WIPI1: variants seen among roughly 807,000 people sequenced by gnomAD.
The protein encoded by WIPI1 is WD repeat domain phosphoinositide-interacting protein 1.
Under a neutral mutation model 55.3 loss-of-function variants are expected in WIPI1, and 45 were observed. That is an observed-to-expected ratio of 0.81 (90% CI 0.64 to 1.04). WIPI1 has a LOEUF of 1.04. WIPI1 is among the 50% of genes least tolerant of loss of function. The pLI is 0.00. For synonymous variants in WIPI1, 195 were observed against 217.6 expected, an observed-to-expected ratio of 0.90 and a Z score of 0.92; for missense variants, 445 against 559.0, an observed-to-expected ratio of 0.80 and a Z score of 2.06.
At position 68,421,374 on chromosome 17, in the gene WIPI1, C is replaced by A. The variant is rs2082759559; in HGVS notation, c.*399G>T. The A allele has an allele frequency of 5.9e-6, 1 of 170,362 alleles. No individual in the cohort carries two copies. The highest frequency in any genetic ancestry group is 2.4e-5 in the African/African-American group (1 of 42,130). The allele number at this position is 170,362 out of a possible 1,614,324, so 10.6% of individuals were successfully genotyped here. A position where few individuals can be genotyped will look rare whatever the true frequency, so the allele number is the denominator to read the frequency against. On this transcript the variant is annotated 3_prime_UTR_variant, in exon 13 of 13. Coordinates refer to ENST00000262139, the MANE Select transcript of WIPI1 (RefSeq NM_017983.7). ...CACAGCCAAAAAAGACTTTGCCTGGCTAAAAGAGTCTCTCTCTAAGTATGT... is the reference window on the plus strand; with the variant it reads ...CACAGCCAAAAAAGACTTTGCCTGGATAAAAGAGTCTCTCTCTAAGTATGT...
chr17:68,426,895 G>A lies in WIPI1; in HGVS notation c.1192+240C>T, dbSNP rs138014827. ...CACTTGTTAGGAAAAAGACCGTATC[G>A]TGTGATGCCTTGCCAGGTTGAGGGT... On this transcript the variant is annotated intron_variant, in intron 11 of 12. Transcript: ENST00000262139. Among the ~76,000 whole-genome samples, 205 of 152,310 alleles carry A rather than the reference G, an allele frequency of 1.3e-3. No individual in the cohort carries two copies. The Middle Eastern group carries it at 0.014, about 10-fold the overall frequency.
chr17:68,443,361 C>T (rs1205981387), intron 4 of WIPI1, among the ~76,000 whole-genome samples: 1 of 152,200 alleles, frequency 6.6e-6, no homozygotes, highest in African/African-American at 2.4e-5. Context: ...GATCCACCCG[C>T]CTCGGCCTCC....
intron 9 of WIPI1, 65 bp from the exon 10 acceptor site, chr17:68,429,001 G>T: frequency 2.4e-6 from 3 of 1,248,752 alleles, no homozygotes; most frequent in South Asian, 2.5e-5. Context: ...CGCTTCCAAT[G>T]ACAAAGCCCC....
chr17:68,448,930 C>T (rs543403830), intron 3 of WIPI1, among the ~76,000 whole-genome samples: 29 of 152,192 alleles, frequency 1.9e-4, no homozygotes, highest in Admixed American at 6.5e-4. Flanking sequence ...CTGCTACTCC[C>T]TACTTAAAAG....
intron 1 of WIPI1, among the ~76,000 whole-genome samples, chr17:68,454,394 G>A (rs944066283): frequency 6.6e-6 from 1 of 152,174 alleles, no homozygotes; most frequent in African/African-American, 2.4e-5. Context: ...AAAAAGAGAA[G>A]GTCACATGAT....
intron 9 of WIPI1, among the ~76,000 whole-genome samples, chr17:68,429,606 T>G (rs2083417256): frequency 6.6e-6 from 1 of 152,144 alleles, no homozygotes. Flanking sequence ...TTTTCTTTTT[T>G]GAGATGGAGT....
chr17:68,437,010 A>ATGTGTGTGTGTGTG (rs758693659), intron 4 of WIPI1, among the ~76,000 whole-genome samples: 1,004 of 77,864 alleles, frequency 0.013, 5 homozygotes, highest in African/African-American at 0.044. Context: ...AAAAAAATAT[A>ATGTGTGTGTGTGTG]TATATATGTG....
At chr17:68,452,417 T>C (rs562066732) in intron 2 of WIPI1, among the ~76,000 whole-genome samples, 10 of 152,166 alleles carry the variant, frequency 6.6e-5, no homozygotes, top group African/African-American at 2.4e-4. Flanking sequence ...ATACAAAAAT[T>C]AGCTGGGTTT....
At chr17:68,433,781 T>G (rs1444990962) in intron 7 of WIPI1, among the ~76,000 whole-genome samples, 6 of 90,312 alleles carry the variant, frequency 6.6e-5, no homozygotes, top group Admixed American at 2.2e-4. Flanking sequence ...TTTTTTTTTT[T>G]TTTTTTTTTT....
chr17:68,445,712 T>C (rs1157921947), intron 3 of WIPI1, among the ~76,000 whole-genome samples: 1 of 152,196 alleles, frequency 6.6e-6, no homozygotes, highest in Non-Finnish European at 1.5e-5. Context: ...TTTAAAGGAA[T>C]ATAACGCATA....
intron 1 of WIPI1, among the ~76,000 whole-genome samples, chr17:68,453,669 G>C (rs1297953901): frequency 6.6e-6 from 1 of 152,036 alleles, no homozygotes; most frequent in Non-Finnish European, 1.5e-5. Context: ...AGTAGAGACA[G>C]GGTTTCACCA....
At chr17:68,456,257 G>A (rs1296148375) in intron 1 of WIPI1, among the ~76,000 whole-genome samples, 4 of 152,146 alleles carry the variant, frequency 2.6e-5, no homozygotes, top group African/African-American at 7.2e-5. Flanking sequence ...GTTCAGCACC[G>A]GGTGTTTTTA....
intron 2 of WIPI1, 96 bp from the exon 3 acceptor site, chr17:68,450,993 A>G: frequency 6.7e-7 from 1 of 1,481,666 alleles, no homozygotes; most frequent in South Asian, 1.4e-5. Flanking sequence ...GCCAGGTTCC[A>G]AAGGTTCTCC....
intron 11 of WIPI1, 39 bp from the exon 12 acceptor site, chr17:68,426,214 A>T: frequency 8.3e-7 from 1 of 1,204,524 alleles, no homozygotes; most frequent in South Asian, 1.2e-5. Flanking sequence ...AGCACTGGGG[A>T]TCTGCTTTTA....
chr17:68,421,720 C>A lies in WIPI1; in HGVS notation c.*53G>T. 1 of 1,613,586 alleles carries A rather than the reference C, an allele frequency of 6.2e-7. No homozygotes were observed. The highest frequency in any genetic ancestry group is 8.5e-7 in the Non-Finnish European group (1 of 1,179,594). Reference sequence around the variant, plus strand: ...TCCATTCTTCCGCCTTCCTTGTTTTCTCCAAAACCACCTGATAGGGGGGAT... The same window carrying A: ...TCCATTCTTCCGCCTTCCTTGTTTTATCCAAAACCACCTGATAGGGGGGAT... On this transcript the variant is annotated 3_prime_UTR_variant, in exon 13 of 13. Coordinates refer to ENST00000262139, the MANE Select transcript of WIPI1 (RefSeq NM_017983.7).
intron 4 of WIPI1, among the ~76,000 whole-genome samples, chr17:68,437,005 A>AAAAAAATAT (rs10629905): frequency 6.5e-5 from 7 of 107,264 alleles, no homozygotes; most frequent in Middle Eastern, 5.3e-3. Flanking sequence ...AAAAAAAAAA[A>AAAAAAATAT]ATATATATAT....
In WIPI1 at chr17:68,434,650, T is replaced by C; in HGVS notation, c.622-24A>G. 3.1e-6 allele frequency: 5 copies of C among 1,613,076 alleles called. No individual in the cohort carries two copies. In the African/African-American group the frequency reaches 4.0e-5, roughly 13 times the overall value. ...CCCTGGAAAAGAAAGCAGGTGGACA[T>C]TTCATAACCATTAGTGGCTTTACAC... is the stretch of plus-strand genomic sequence containing the variant. On this transcript the variant is annotated intron_variant, in intron 6 of 12. Transcript: ENST00000262139.
chr17:68,439,297 A>G (rs540928923), intron 4 of WIPI1, among the ~76,000 whole-genome samples: 2 of 152,374 alleles, frequency 1.3e-5, no homozygotes, highest in South Asian at 4.1e-4. Flanking sequence ...ATTATCCAGC[A>G]AGAAAAATAA....
At chr17:68,451,407 C>A (rs1889661307) in intron 2 of WIPI1, among the ~76,000 whole-genome samples, 1 of 152,168 alleles carries the variant, frequency 6.6e-6, no homozygotes, top group South Asian at 2.1e-4. Context: ...GCACTCCAGC[C>A]TGGGCGACAA....
Sources: allele counts gnomAD v4.1 joint callset (sites outside exome capture counted in the v4.1 genomes callset), GRCh38; gene constraint gnomAD v4.1.1; transcripts MANE v1.5; gene names NCBI Gene and HGNC (gene_info 2026-07-23, HGNC 2026-07-21).